Variants in DDHD1 observed in about 807,000 individuals in gnomAD.
DDHD1 encodes phospholipase DDHD1.
A neutral mutation model predicts 96.4 loss-of-function variants in DDHD1; 49 were observed. That is an observed-to-expected ratio of 0.51 (90% CI 0.40 to 0.64). DDHD1 has a LOEUF of 0.64. Among genes scored for constraint, DDHD1 ranks in the 30% least tolerant of loss-of-function variants. The pLI, the probability that DDHD1 is intolerant of heterozygous loss-of-function variation, is 0.00. For missense variants in DDHD1, 1,106 were observed against 1,161.2 expected (o/e 0.95, Z 0.69); for synonymous variants, 442 against 446.5 (o/e 0.99, Z 0.13).
intron 2 of DDHD1, among the ~76,000 whole-genome samples, chr14:53,098,640 C>G (rs191935325): frequency 2.6e-5 from 4 of 152,036 alleles, no homozygotes; most frequent in African/African-American, 9.6e-5. Flanking sequence ...CTCTTAGTCA[C>G]CAAAGAGAGA....
intron 11 of DDHD1, chr14:53,052,388 A>G (rs1255955040): frequency 6.5e-6 from 1 of 152,920 alleles, no homozygotes; most frequent in Non-Finnish European, 1.5e-5. Context: ...ACCCTCAAAT[A>G]GCAAGTGAAT....
intron 4 of DDHD1, among the ~76,000 whole-genome samples, chr14:53,081,938 G>A (rs1321194897): frequency 1.3e-5 from 2 of 152,152 alleles, no homozygotes; most frequent in Non-Finnish European, 2.9e-5. Flanking sequence ...AAAAGAGGAA[G>A]AGGGAGACAG....
intron 1 of DDHD1, among the ~76,000 whole-genome samples, chr14:53,137,547 G>C (rs1472660055): frequency 6.6e-6 from 1 of 152,028 alleles, no homozygotes; most frequent in Non-Finnish European, 1.5e-5. Context: ...AGCTGAGATT[G>C]CACCACTGCA....
chr14:53,069,305 T>TA (rs1884315069), intron 6 of DDHD1, among the ~76,000 whole-genome samples: 2 of 152,274 alleles, frequency 1.3e-5, no homozygotes. Context: ...TTGGCCACTT[T>TA]AATGGACAAA....
chr14:53,109,797 A>T (rs1887972214), intron 1 of DDHD1, among the ~76,000 whole-genome samples: 1 of 152,232 alleles, frequency 6.6e-6, no homozygotes, highest in Non-Finnish European at 1.5e-5. Context: ...AAAGGCACAT[A>T]GCTACTAGTA....
At chr14:53,127,834 T>A (rs1384080402) in intron 1 of DDHD1, among the ~76,000 whole-genome samples, 1 of 152,214 alleles carries the variant, frequency 6.6e-6, no homozygotes, top group African/African-American at 2.4e-5. Context: ...TAAGAGTCTG[T>A]TTTTACATTG....
intron 1 of DDHD1, among the ~76,000 whole-genome samples, chr14:53,150,761 TA>T: frequency 6.6e-6 from 1 of 152,326 alleles, no homozygotes. Context: ...TCTGAAAGGG[TA>T]AGGATTTTCC....
At chr14:53,047,659 A>G (rs1008676360) in intron 12 of DDHD1, among the ~76,000 whole-genome samples, 18 of 152,226 alleles carry the variant, frequency 1.2e-4, no homozygotes, top group African/African-American at 4.3e-4. Flanking sequence ...GACTTTGCTT[A>G]TAACAGTGCT....
At chr14:53,132,386 C>T (rs1012370160) in intron 1 of DDHD1, among the ~76,000 whole-genome samples, 2 of 152,180 alleles carry the variant, frequency 1.3e-5, no homozygotes, top group African/African-American at 4.8e-5. Flanking sequence ...CCCATATTTC[C>T]TTCTTTCCTG....
intron 4 of DDHD1, among the ~76,000 whole-genome samples, chr14:53,074,289 G>T (rs1212453518): frequency 6.6e-6 from 1 of 151,174 alleles, no homozygotes; most frequent in Non-Finnish European, 1.5e-5. Context: ...TCTCCCTTTT[G>T]GTGTCAGTTA....
At chr14:53,084,933 T>G (rs746034226) in intron 4 of DDHD1, among the ~76,000 whole-genome samples, 5 of 152,216 alleles carry the variant, frequency 3.3e-5, no homozygotes, top group Non-Finnish European at 7.3e-5. Flanking sequence ...AATACTGTGC[T>G]TTTCCAATGG....
chr14:53,081,515 T>G (rs1002361604), intron 4 of DDHD1, among the ~76,000 whole-genome samples: 2 of 152,210 alleles, frequency 1.3e-5, no homozygotes, highest in African/African-American at 4.8e-5. Flanking sequence ...CGAGGGACAC[T>G]TGGCAATGTT....
intron 2 of DDHD1, among the ~76,000 whole-genome samples, chr14:53,094,881 T>G (rs1319048193): frequency 6.6e-6 from 1 of 151,580 alleles, no homozygotes; most frequent in African/African-American, 2.4e-5. Context: ...GCTGCATTTC[T>G]GTAACTGGGG....
intron 1 of DDHD1, among the ~76,000 whole-genome samples, chr14:53,115,913 A>G (rs961878298): frequency 3.3e-5 from 5 of 152,226 alleles, no homozygotes; most frequent in African/African-American, 1.2e-4. Context: ...AACTGCCCCA[A>G]TTAAAAGATA....
At chr14:53,107,501 G>A (rs1459859598) in intron 1 of DDHD1, among the ~76,000 whole-genome samples, 16 of 152,120 alleles carry the variant, frequency 1.1e-4, no homozygotes, top group Admixed American at 1.0e-3. Context: ...TTTAAAACTT[G>A]TAATTGTGGC....
intron 1 of DDHD1, 132 bp downstream of exon 1, chr14:53,152,126 TCTC>T: frequency 5.3e-6 from 5 of 939,444 alleles, no homozygotes; most frequent in Admixed American, 3.1e-5. Context: ...CCCTGCTCAA[TCTC>T]CATCCTGCCC....
chr14:53,114,647 T>C (rs531036128), intron 1 of DDHD1, among the ~76,000 whole-genome samples: 2 of 152,216 alleles, frequency 1.3e-5, no homozygotes, highest in South Asian at 2.1e-4. Context: ...GCCAGACTAA[T>C]AGAAGAAAAA....
At chr14:53,149,502 G>A (rs1338941600) in intron 1 of DDHD1, among the ~76,000 whole-genome samples, 1 of 152,162 alleles carries the variant, frequency 6.6e-6, no homozygotes, top group Non-Finnish European at 1.5e-5. Flanking sequence ...CTCCTAGAAA[G>A]TGTGAAAACT....
rs527889402 is a variant in DDHD1 at position 53,086,432 on chromosome 14, C to T, written c.1289+5353G>A. ...GTCAGGTTACCCACAAAGGGAAGCC[C>T]ATCAGACTAATGGCGGATCTCTCGG... is the stretch of plus-strand genomic sequence containing the variant. On this transcript the variant is annotated intron_variant, in intron 4 of 12. Coordinates refer to ENST00000673822, the MANE Select transcript of DDHD1 (RefSeq NM_001160148.2). Among the ~76,000 whole-genome samples, 20 of 152,292 alleles carry T rather than the reference C, an allele frequency of 1.3e-4. No homozygotes were observed. In the South Asian group the frequency reaches 3.9e-3, roughly 30 times the overall value.
Sources: allele counts gnomAD v4.1 joint callset (sites outside exome capture counted in the v4.1 genomes callset), GRCh38; gene constraint gnomAD v4.1.1; transcripts MANE v1.5; gene names NCBI Gene and HGNC (gene_info 2026-07-23, HGNC 2026-07-21).